Variants in LRP1B observed in about 807,000 individuals in gnomAD.
The protein encoded by LRP1B is low-density lipoprotein receptor-related protein 1B.
A neutral mutation model predicts 556.6 loss-of-function variants in LRP1B; 217 were observed. The observed-to-expected ratio is 0.39, with a 90% CI of 0.35 to 0.44. The LOEUF is 0.44. LRP1B is among the 20% of genes least tolerant of loss of function. The pLI is 1.00. For synonymous variants in LRP1B, 2,047 were observed against 1,865.8 expected (o/e 1.10, Z -2.50); for missense variants, 5,053 against 5,620.8 (o/e 0.90, Z 3.23).
intron 6 of LRP1B, among the ~76,000 whole-genome samples, chr2:141,192,507 T>A (rs1681560449): frequency 6.6e-6 from 1 of 152,022 alleles, no homozygotes; most frequent in East Asian, 1.9e-4. Context: ...CTAAAATATC[T>A]CAAAATGTAA....
At chr2:140,763,702 T>C (rs1689006316) in intron 35 of LRP1B, among the ~76,000 whole-genome samples, 1 of 152,162 alleles carries the variant, frequency 6.6e-6, no homozygotes, top group Non-Finnish European at 1.5e-5. Flanking sequence ...AAAAAGGATC[T>C]GTGAGATATT....
chr2:140,450,745 AGTCT>A, intron 62 of LRP1B, 84 bp from the exon 63 acceptor site: 1 of 876,480 alleles, frequency 1.1e-6, no homozygotes, highest in Non-Finnish European at 1.8e-6. Context: ...AACACAGCCT[AGTCT>A]ACTTTTTTGC....
At chr2:140,705,262 AC>A (rs1442548245) in intron 37 of LRP1B, among the ~76,000 whole-genome samples, 2 of 152,038 alleles carry the variant, frequency 1.3e-5, no homozygotes, top group African/African-American at 4.8e-5. Context: ...GTGGCTTCAC[AC>A]CTGTAATACT....
In LRP1B at chr2:141,321,420, C is replaced by T. The variant is rs531771589; in HGVS notation, c.344-66779G>A. On this transcript the variant is annotated intron_variant, in intron 3 of 90. Transcript: ENST00000389484. The stretch of plus-strand genomic sequence containing the variant: ...TTGCTATACTGACTTAATGGTCATA[C>T]TCCATAAAAATTTTCCAGCAGCTCT... Among the ~76,000 whole-genome samples the T allele has an allele frequency of 2.6e-5, 4 of 152,198 alleles. No individual in the cohort carries two copies. In the East Asian group the frequency reaches 7.7e-4, roughly 29 times the overall value.
chr2:141,786,648 T>C (rs1451285180), intron 2 of LRP1B, among the ~76,000 whole-genome samples: 3 of 151,890 alleles, frequency 2.0e-5, no homozygotes, highest in African/African-American at 4.8e-5. Context: ...GCTTGTCTTA[T>C]TGGACTGGCT....
chr2:140,442,367 T>C (rs1686467249), intron 66 of LRP1B, 137 bp downstream of exon 66: 1 of 1,104,098 alleles, frequency 9.1e-7, no homozygotes, highest in Non-Finnish European at 1.3e-6. Context: ...TTTTTATGAA[T>C]CTGTGAACAC....
intron 1 of LRP1B, among the ~76,000 whole-genome samples, chr2:142,008,140 C>T (rs1198567077): frequency 6.6e-6 from 1 of 152,160 alleles, no homozygotes; most frequent in African/African-American, 2.4e-5. Flanking sequence ...TACTAAAGGT[C>T]CTTGTTAGGC....
intron 89 of LRP1B, among the ~76,000 whole-genome samples, chr2:140,237,790 G>A (rs1404767518): frequency 6.6e-6 from 1 of 150,618 alleles, no homozygotes; most frequent in Non-Finnish European, 1.5e-5. Flanking sequence ...CCCTGAAGAA[G>A]ACCTAAACAA....
chr2:141,745,973 G>T (rs1693901987), intron 2 of LRP1B, among the ~76,000 whole-genome samples: 1 of 152,042 alleles, frequency 6.6e-6, no homozygotes, highest in East Asian at 1.9e-4. Context: ...TTCTAAAAAT[G>T]GTTTCTGGGA....
intron 2 of LRP1B, among the ~76,000 whole-genome samples, chr2:141,722,860 T>C (rs1426921531): frequency 6.6e-6 from 1 of 152,112 alleles, no homozygotes; most frequent in African/African-American, 2.4e-5. Context: ...TTTTACATCA[T>C]GGGCTTATTC....
intron 3 of LRP1B, among the ~76,000 whole-genome samples, chr2:141,375,809 A>C (rs6755013): frequency 0.098 from 14,873 of 152,162 alleles, 1,204 homozygotes; most frequent in African/African-American, 0.22. Context: ...CTCACAGCAG[A>C]CCACTGTGGG....
chr2:141,027,826 G>C (rs1397858613), intron 11 of LRP1B, among the ~76,000 whole-genome samples: 2 of 152,054 alleles, frequency 1.3e-5, no homozygotes, highest in Non-Finnish European at 2.9e-5. Flanking sequence ...TATAAGAAGA[G>C]ACCAGAGAGC....
intron 6 of LRP1B, among the ~76,000 whole-genome samples, chr2:141,221,556 T>C (rs1209360588): frequency 6.6e-6 from 1 of 152,178 alleles, no homozygotes; most frequent in Non-Finnish European, 1.5e-5. Context: ...TGACATGAAC[T>C]CAGCTTTTGA....
chr2:141,643,139 T>C (rs571134129), intron 2 of LRP1B, among the ~76,000 whole-genome samples: 116 of 152,302 alleles, frequency 7.6e-4, no homozygotes, highest in African/African-American at 2.5e-3. Flanking sequence ...CAGCAGTCTA[T>C]TTCTAATGTC....
chr2:140,574,600 A>G (rs976718571), intron 43 of LRP1B, among the ~76,000 whole-genome samples: 2 of 152,174 alleles, frequency 1.3e-5, no homozygotes, highest in East Asian at 3.9e-4. Context: ...ATTTTAGTTA[A>G]TTTAAGTTGA....
intron 1 of LRP1B, among the ~76,000 whole-genome samples, chr2:142,108,428 C>A (rs901125789): frequency 1.3e-5 from 2 of 150,776 alleles, no homozygotes; most frequent in Non-Finnish European, 3.0e-5. Context: ...AATAGATGTT[C>A]AATAAAAAAA....
At chr2:141,086,831 T>G (rs1700059027) in intron 7 of LRP1B, among the ~76,000 whole-genome samples, 1 of 152,108 alleles carries the variant, frequency 6.6e-6, no homozygotes, top group Non-Finnish European at 1.5e-5. Flanking sequence ...CAATGGAAGT[T>G]CCTTCAGCAC....
chr2:140,951,752 T>A, intron 19 of LRP1B, 108 bp downstream of exon 19: 2 of 784,374 alleles, frequency 2.5e-6, no homozygotes, highest in Non-Finnish European at 4.2e-6. Flanking sequence ...GCCGTTTTTC[T>A]TGGCTCTGCA....
intron 87 of LRP1B, among the ~76,000 whole-genome samples, chr2:140,243,319 T>C (rs1339289394): frequency 2.0e-5 from 3 of 150,702 alleles, no homozygotes; most frequent in African/African-American, 7.3e-5. Context: ...GGTAAATTAA[T>C]CAAGCAGAAT....
Sources: allele counts gnomAD v4.1 joint callset (sites outside exome capture counted in the v4.1 genomes callset), GRCh38; gene constraint gnomAD v4.1.1; transcripts MANE v1.5; gene names NCBI Gene and HGNC (gene_info 2026-07-23, HGNC 2026-07-21).